The following AGAP1 variants were observed in gnomAD, a reference collection of about 807,000 sequenced individuals.
AGAP1 encodes ArfGAP with GTPase domain, ankyrin repeat and PH domain 1.
Under a neutral mutation model 105.3 loss-of-function variants are expected in AGAP1, and 29 were observed. The ratio of observed to expected loss-of-function variants is 0.28; its 90% CI spans 0.21 to 0.38. The LOEUF is 0.38. AGAP1 is among the 10% of genes least tolerant of loss of function. The probability of loss-of-function intolerance (pLI) is 1.00; values close to 1 mark genes in which losing one functional copy is unlikely to be tolerated. For synonymous variants in AGAP1, 509 were observed against 485.9 expected (o/e 1.05, Z -0.63); for missense variants, 998 against 1,165.1 (o/e 0.86, Z 2.09).
At chr2:235,511,293 T>C (rs1422516868) in intron 1 of AGAP1, among the ~76,000 whole-genome samples, 1 of 151,526 alleles carries the variant, frequency 6.6e-6, no homozygotes, top group Non-Finnish European at 1.5e-5. Context: ...GGAGCTGGTG[T>C]AATTATCTAG....
chr2:235,653,282 G>T (rs534480984), intron 1 of AGAP1, among the ~76,000 whole-genome samples: 3 of 151,846 alleles, frequency 2.0e-5, no homozygotes, highest in Non-Finnish European at 1.5e-5. Flanking sequence ...TGGCTATCAC[G>T]GTGAAACACT....
chr2:235,926,449 C>G (rs2052450277), intron 11 of AGAP1, among the ~76,000 whole-genome samples: 1 of 152,178 alleles, frequency 6.6e-6, no homozygotes, highest in Non-Finnish European at 1.5e-5. Context: ...TCGTGGACCA[C>G]TGGTTTGCCT....
chr2:235,711,574 T>G (rs1371770717), intron 2 of AGAP1, among the ~76,000 whole-genome samples: 1 of 152,190 alleles, frequency 6.6e-6, no homozygotes, highest in Non-Finnish European at 1.5e-5. Flanking sequence ...GGTTCTACAG[T>G]TCTCAGAACG....
At position 236,053,368 on chromosome 2, in the gene AGAP1, C is replaced by G. The variant is rs1293684642; in HGVS notation, c.2114+4087C>G. 6.6e-6 allele frequency among the ~76,000 whole-genome samples: 1 copy of G among 152,212 alleles called. No individual in the cohort carries two copies. Among genetic ancestry groups the G allele is most frequent in the Non-Finnish European group, 1.5e-5 (1 of 68,046 alleles). ...CTTGGAATTCCTCATGTGAGTGAAACCGGGGCTTTGACGTTTGCAGCACCA... is the reference window on the plus strand; with the variant it reads ...CTTGGAATTCCTCATGTGAGTGAAAGCGGGGCTTTGACGTTTGCAGCACCA... On this transcript the variant is annotated intron_variant, in intron 16 of 17. Transcript: ENST00000304032. The surrounding 1 kb of genome is among the most constrained non-coding windows in gnomAD (Gnocchi z 4.6).
intron 1 of AGAP1, among the ~76,000 whole-genome samples, chr2:235,636,160 C>T (rs1489804593): frequency 7.6e-6 from 1 of 131,804 alleles, no homozygotes; most frequent in East Asian, 2.1e-4. Flanking sequence ...AATAAAGTCT[C>T]ATCTTATGGA....
rs1961311216 is a variant in AGAP1 at position 235,845,047 on chromosome 2, G to A, written c.1050+37716G>A. On this transcript the variant is annotated intron_variant, in intron 9 of 17. Coordinates refer to ENST00000304032, the MANE Select transcript of AGAP1 (RefSeq NM_001037131.3). This position sits in a 1 kb window ranked among gnomAD's most constrained non-coding sequence, Gnocchi z 4.8. ...CCTAGTGGGGTCCCGGCCCAGCAGTGGGGCTCCACATGGCTGAATTGAACA... is the reference window on the plus strand; with the variant it reads ...CCTAGTGGGGTCCCGGCCCAGCAGTAGGGCTCCACATGGCTGAATTGAACA... Among the ~76,000 whole-genome samples, 1 of 152,158 alleles carries A rather than the reference G, an allele frequency of 6.6e-6. No homozygotes were observed. The highest frequency in any genetic ancestry group is 2.4e-5 in the African/African-American group (1 of 41,438).
At position 235,732,502 on chromosome 2, in the gene AGAP1, G is replaced by A. The variant is rs1314971719; in HGVS notation, c.311-8461G>A. 1.3e-5 allele frequency among the ~76,000 whole-genome samples: 2 copies of A among 152,150 alleles called. No homozygotes were observed. Among genetic ancestry groups the A allele is most frequent in the Non-Finnish European group, 2.9e-5 (2 of 68,036 alleles). On this transcript the variant is annotated intron_variant, in intron 3 of 17. Coordinates refer to ENST00000304032, the MANE Select transcript of AGAP1 (RefSeq NM_001037131.3). This position sits in a 1 kb window ranked among gnomAD's most constrained non-coding sequence, Gnocchi z 4.8. Reference sequence around the variant, plus strand: ...TTCTTAAGTCACACTGGAGTGGGAAGCGGTTGTAAGGGACTTCCTTCTGCT... The same window carrying A: ...TTCTTAAGTCACACTGGAGTGGGAAACGGTTGTAAGGGACTTCCTTCTGCT...
At chr2:235,677,480 C>T (rs752780564) in intron 1 of AGAP1, among the ~76,000 whole-genome samples, 2 of 152,050 alleles carry the variant, frequency 1.3e-5, no homozygotes, top group Admixed American at 6.6e-5. Flanking sequence ...CCTATACTGT[C>T]CTTTGTTTGG....
chr2:235,807,205 T>C (rs765589311), intron 8 of AGAP1, 34 bp from the exon 9 acceptor site: 1 of 1,602,134 alleles, frequency 6.2e-7, no homozygotes, highest in South Asian at 1.1e-5. Flanking sequence ...ACCACAGCCC[T>C]TACCCAGATG....
rs1447415759 is a variant in AGAP1, at chr2:235,660,228, G to C, written c.164-48951G>C. The stretch of plus-strand genomic sequence containing the variant: ...GAAGAAGTGAATCACCCTCTTCTCT[G>C]TGTCTTTCCCTAACCACTGGAGACT... On this transcript the variant is annotated intron_variant, in intron 1 of 17. Transcript: ENST00000304032. The surrounding 1 kb of genome is among the most constrained non-coding windows in gnomAD (Gnocchi z 5.3). Among the ~76,000 whole-genome samples the C allele has an allele frequency of 6.6e-6, 1 of 152,162 alleles. No homozygotes were observed. Among genetic ancestry groups the C allele is most frequent in the African/African-American group, 2.4e-5 (1 of 41,432 alleles).
Position 236,105,245 on chromosome 2 carries a change from C to CT in AGAP1, c.2115-14944dup. Among the ~76,000 whole-genome samples, 1 of 152,126 alleles carries CT rather than the reference C, an allele frequency of 6.6e-6. No individual in the cohort carries two copies. Among genetic ancestry groups the CT allele is most frequent in the East Asian group, 1.9e-4 (1 of 5,192 alleles). ...GAATGGAAAAATCCAAAACATCCCA[C>CT]TTTAAGAACCCTGCATGCACACAGT... is the stretch of plus-strand genomic sequence containing the variant. On this transcript the variant is annotated intron_variant, in intron 16 of 17. Coordinates refer to ENST00000304032, the MANE Select transcript of AGAP1 (RefSeq NM_001037131.3). The surrounding 1 kb of genome is among the most constrained non-coding windows in gnomAD (Gnocchi z 4.2).
Position 236,014,957 on chromosome 2 carries a change from C to T in AGAP1, c.1646-21604C>T. 3.1e-6 allele frequency: 1 copy of T among 319,028 alleles called. No individual in the cohort carries two copies. Among genetic ancestry groups the T allele is most frequent in the Non-Finnish European group, 6.5e-6 (1 of 153,986 alleles). The allele number at this position is 319,028 out of a possible 1,614,324, so 19.8% of individuals were successfully genotyped here. ...TCATCCCCTGCCCGCCCCTTCCTTT[C>T]CAACACAGGCATGGAAATGCAATTT... On this transcript the variant is annotated intron_variant, in intron 13 of 17. Transcript: ENST00000304032. The surrounding 1 kb of genome is among the most constrained non-coding windows in gnomAD (Gnocchi z 6.3).
At chr2:235,511,944 G>A (rs1231826218) in intron 1 of AGAP1, among the ~76,000 whole-genome samples, 1 of 150,856 alleles carries the variant, frequency 6.6e-6, no homozygotes, top group Non-Finnish European at 1.5e-5. Flanking sequence ...GTGTATGTGT[G>A]GGTGTGAATG....
In AGAP1 at chr2:235,857,517, G is replaced by A. The variant is rs544086896; in HGVS notation, c.1051-25828G>A. Among the ~76,000 whole-genome samples the A allele has an allele frequency of 9.8e-4, 149 of 152,280 alleles. 1 individual carries two copies. The highest frequency in any genetic ancestry group is 2.6e-3 in the African/African-American group (108 of 41,556). ...TTGCTCACAGTGTGTGTGCATGTCC[G>A]TTGAGCAGCTTCCCACCCTGATTGC... On this transcript the variant is annotated intron_variant, in intron 9 of 17. Transcript: ENST00000304032.
chr2:235,821,382 A>ATTTTT (rs200107062), intron 9 of AGAP1, among the ~76,000 whole-genome samples: 1 of 133,818 alleles, frequency 7.5e-6, no homozygotes, highest in African/African-American at 2.8e-5. Flanking sequence ...CAGAACTTCA[A>ATTTTT]TTTTTTTTTT....
rs573698610 is a variant in AGAP1 at position 235,943,021 on chromosome 2, T to C, written c.1483+12098T>C. Among the ~76,000 whole-genome samples the C allele has an allele frequency of 2.0e-4, 31 of 152,372 alleles. No individual in the cohort carries two copies. The South Asian group carries it at 6.4e-3, about 32-fold the overall frequency. On this transcript the variant is annotated intron_variant, in intron 12 of 17. Coordinates refer to ENST00000304032, the MANE Select transcript of AGAP1 (RefSeq NM_001037131.3). ...TATATTTGAAGATTTGTCAAATATA[T>C]GTGCTGCTTCTCCAACTGGAAATAA...
rs1027862098 is a variant in AGAP1 at position 236,045,560 on chromosome 2, G to A, written c.1892-3499G>A. Among the ~76,000 whole-genome samples, 1 of 152,226 alleles carries A rather than the reference G, an allele frequency of 6.6e-6. No homozygotes were observed. The highest frequency in any genetic ancestry group is 2.4e-5 in the African/African-American group (1 of 41,468). The stretch of plus-strand genomic sequence containing the variant: ...GAAAGGCAGTGCTAGCAGGTGGCAC[G>A]CACACAGGTGTGAGGGCCTGGAGAG... On this transcript the variant is annotated intron_variant, in intron 15 of 17. Coordinates refer to ENST00000304032, the MANE Select transcript of AGAP1 (RefSeq NM_001037131.3). This position sits in a 1 kb window ranked among gnomAD's most constrained non-coding sequence, Gnocchi z 6.9.
rs1055295094 is a variant in AGAP1 at position 235,725,207 on chromosome 2, TG to T, written c.310+7564del. Reference sequence around the variant, plus strand: ...AAGTCTTTGTTCCCGGGGTTAGCCTTGCCACCCTCCTTCAGGACTGCCTAGA... The same window carrying T: ...AAGTCTTTGTTCCCGGGGTTAGCCTTCCACCCTCCTTCAGGACTGCCTAGA... On this transcript the variant is annotated intron_variant, in intron 3 of 17. Transcript: ENST00000304032. This position sits in a 1 kb window ranked among gnomAD's most constrained non-coding sequence, Gnocchi z 5.7. Among the ~76,000 whole-genome samples, 1 of 152,196 alleles carries T rather than the reference TG, an allele frequency of 6.6e-6. No individual in the cohort carries two copies. The highest frequency in any genetic ancestry group is 2.4e-5 in the African/African-American group (1 of 41,468).
chr2:235,657,322 A>G (rs530271049), intron 1 of AGAP1, among the ~76,000 whole-genome samples: 1 of 152,282 alleles, frequency 6.6e-6, no homozygotes, highest in Admixed American at 6.5e-5. Context: ...TGTGAATCCA[A>G]ATGTGACTAT....
Sources: allele counts gnomAD v4.1 joint callset (sites outside exome capture counted in the v4.1 genomes callset), GRCh38; gene constraint gnomAD v4.1.1; non-coding constraint Gnocchi (gnomAD v3.1); transcripts MANE v1.5; gene names NCBI Gene and HGNC (gene_info 2026-07-23, HGNC 2026-07-21).